Variants in JAK1 observed in about 807,000 individuals in gnomAD.
JAK1 encodes the protein Janus kinase 1.
JAK1 carries 16 observed loss-of-function variants against 136.6 expected under a neutral mutation model. The observed-to-expected ratio is 0.12, with a 90% CI of 0.08 to 0.18. The LOEUF (loss-of-function observed/expected upper bound fraction) is 0.18. Among genes scored for constraint, JAK1 ranks in the 10% least tolerant of loss-of-function variants. JAK1 has a pLI of 1.00. For missense variants in JAK1, 859 were observed against 1,450.1 expected (o/e 0.59, Z 6.62); for synonymous variants, 492 against 519.5 (o/e 0.95, Z 0.72).
intron 2 of JAK1, chr1:64,991,834 C>T (rs771513615): frequency 6.6e-6 from 1 of 152,062 alleles, no homozygotes; most frequent in Non-Finnish European, 1.5e-5. Context: ...GCATTACAAT[C>T]GCATCAAAAA....
chr1:65,019,829 T>C (rs1646921983), intron 2 of JAK1, among the ~76,000 whole-genome samples: 1 of 151,896 alleles, frequency 6.6e-6, no homozygotes, highest in Non-Finnish European at 1.5e-5. Flanking sequence ...AGCAGGAGAA[T>C]TGCTTGAACC....
intron 2 of JAK1, among the ~76,000 whole-genome samples, chr1:65,014,493 C>T (rs1480376153): frequency 1.3e-5 from 2 of 151,890 alleles, no homozygotes; most frequent in Non-Finnish European, 2.9e-5. Flanking sequence ...AATTCTCACT[C>T]AAATTCATCA....
At chr1:65,004,666 T>C (rs1646789392) in intron 2 of JAK1, among the ~76,000 whole-genome samples, 1 of 152,226 alleles carries the variant, frequency 6.6e-6, no homozygotes, top group Non-Finnish European at 1.5e-5. Context: ...ATCAAGACTA[T>C]AAGTAGGGAT....
At chr1:64,876,574 C>G (rs1330479193) in intron 4 of JAK1, 1 of 152,104 alleles carries the variant, frequency 6.6e-6, no homozygotes, top group Non-Finnish European at 1.5e-5. Context: ...CCATGACTAC[C>G]AGAATCAGTA....
At chr1:65,004,998 A>G (rs1165859568) in intron 2 of JAK1, among the ~76,000 whole-genome samples, 1 of 152,226 alleles carries the variant, frequency 6.6e-6, no homozygotes, top group African/African-American at 2.4e-5. Context: ...TAGTTTGATA[A>G]TCCACAATAT....
At chr1:65,016,142 A>G (rs919385228) in intron 2 of JAK1, among the ~76,000 whole-genome samples, 2 of 152,214 alleles carry the variant, frequency 1.3e-5, no homozygotes, top group Admixed American at 1.3e-4. Flanking sequence ...CTCAAATAGG[A>G]AAATTCGTAG....
At chr1:64,951,355 A>AT (rs1271466057) in intron 1 of JAK1, among the ~76,000 whole-genome samples, 2 of 152,084 alleles carry the variant, frequency 1.3e-5, no homozygotes, top group African/African-American at 2.4e-5. Flanking sequence ...TACTCCACTG[A>AT]TTTTTTTAAA....
At chr1:64,895,206 C>T (rs1006769713) in intron 1 of JAK1, among the ~76,000 whole-genome samples, 2 of 152,074 alleles carry the variant, frequency 1.3e-5, no homozygotes, top group Admixed American at 6.5e-5. Flanking sequence ...CATGATCCAC[C>T]GTAAAAAATA....
chr1:65,053,607 T>C (rs1647392900), intron 1 of JAK1, among the ~76,000 whole-genome samples: 1 of 152,206 alleles, frequency 6.6e-6, no homozygotes, highest in African/African-American at 2.4e-5. Context: ...TCCCAGCACT[T>C]TGGGAGGCCA....
At chr1:64,915,817 T>C (rs552009196) in intron 1 of JAK1, among the ~76,000 whole-genome samples, 3 of 152,184 alleles carry the variant, frequency 2.0e-5, no homozygotes, top group Non-Finnish European at 4.4e-5. Context: ...ACTAGAGATG[T>C]CAGGTGAAGC....
chr1:64,868,899 T>C (rs546818826), intron 6 of JAK1, among the ~76,000 whole-genome samples: 68 of 152,378 alleles, frequency 4.5e-4, no homozygotes, highest in African/African-American at 1.5e-3. Flanking sequence ...AGTGAACTAC[T>C]GTAACGTGTT....
At chr1:64,934,465 A>C (rs11806646) in intron 1 of JAK1, among the ~76,000 whole-genome samples, 2,542 of 151,618 alleles carry the variant, frequency 0.017, 80 homozygotes, top group African/African-American at 0.058. Context: ...GTCGTGACTC[A>C]TCAGGATGAA....
intron 20 of JAK1, among the ~76,000 whole-genome samples, chr1:64,839,145 C>CAAAAA (rs56058898): frequency 3.3e-5 from 2 of 59,856 alleles, no homozygotes; most frequent in Non-Finnish European, 7.1e-5. Flanking sequence ...GACTCCGTCT[C>CAAAAA]AAAAAAAAAA....
At chr1:64,894,791 A>C (rs574757832) in intron 1 of JAK1, among the ~76,000 whole-genome samples, 2 of 152,002 alleles carry the variant, frequency 1.3e-5, no homozygotes, top group South Asian at 4.2e-4. Context: ...AACAAACAAA[A>C]AAAAACCAGG....
At chr1:64,866,286 G>T (rs1294682539) in intron 7 of JAK1, among the ~76,000 whole-genome samples, 1 of 152,202 alleles carries the variant, frequency 6.6e-6, no homozygotes, top group Non-Finnish European at 1.5e-5. Context: ...GCTAGGATCT[G>T]AACCCCGTCG....
intron 1 of JAK1, among the ~76,000 whole-genome samples, chr1:64,917,732 G>T (rs1645424186): frequency 6.6e-6 from 1 of 152,114 alleles, no homozygotes; most frequent in African/African-American, 2.4e-5. Context: ...TATTCCATTT[G>T]GCCTATTCCT....
At chr1:65,006,072 T>A (rs1445843913) in intron 2 of JAK1, among the ~76,000 whole-genome samples, 3 of 152,236 alleles carry the variant, frequency 2.0e-5, no homozygotes, top group Non-Finnish European at 4.4e-5. Flanking sequence ...AATATGGGCT[T>A]TCTAAGCAAG....
chr1:64,872,019 G>T (rs2027053), intron 5 of JAK1, among the ~76,000 whole-genome samples: 1 of 152,120 alleles, frequency 6.6e-6, no homozygotes, highest in African/African-American at 2.4e-5. Flanking sequence ...CTCCAGCCTC[G>T]TTCCCCATCA....
At chr1:64,977,005 T>C (rs1214999636) in intron 2 of JAK1, among the ~76,000 whole-genome samples, 1 of 152,194 alleles carries the variant, frequency 6.6e-6, no homozygotes, top group Non-Finnish European at 1.5e-5. Context: ...TACCTGATTG[T>C]ATTTCTCCCT....
Sources: allele counts gnomAD v4.1 joint callset (sites outside exome capture counted in the v4.1 genomes callset), GRCh38; gene constraint gnomAD v4.1.1; transcripts MANE v1.5; gene names NCBI Gene and HGNC (gene_info 2026-07-23, HGNC 2026-07-21).